ALG9: variants seen among roughly 807,000 people sequenced by gnomAD.
ALG9 encodes alpha-1,2-mannosyltransferase ALG9.
In ALG9, 55 loss-of-function variants were observed where a neutral mutation model predicts 81.8. That is an observed-to-expected ratio of 0.67 (90% confidence interval 0.54 to 0.84). The LOEUF is 0.84. Ranked by LOEUF, ALG9 falls within the 40% of genes least tolerant of loss-of-function variation. The pLI is 0.00. For missense variants in ALG9, 629 were observed against 745.0 expected (o/e 0.84, Z 1.81); for synonymous variants, 278 against 274.3 (o/e 1.01, Z -0.13).
the ALG9 span, chr11:111,768,827 T>TTGTGTGTGTG: frequency 3.1e-5 from 3 of 97,360 alleles, no homozygotes; most frequent in African/African-American, 1.4e-4. Flanking sequence ...ACATCCAGCT[T>TTGTGTGTGTG]CGTGTGTGTG....
Position 111,836,291 on chromosome 11 carries a change from C to T in ALG9, c.1476G>A (p.Trp492Ter). 1 of 1,613,920 alleles carries T rather than the reference C, an allele frequency of 6.2e-7. No homozygotes were observed. The highest frequency in any genetic ancestry group is 1.3e-5 in the African/African-American group (1 of 74,986). The change falls in exon 13 of 15, where the codon TGG (tryptophan) becomes TGA (stop). Residue 492 changes from tryptophan to a stop codon, truncating the protein, a stop_gained. Transcript: ENST00000616540. LOFTEE classifies it high-confidence loss of function. ...ACTCTGATGGAATGAACTGAAGCTGCCAACTGTCAGAAACACAAGGAGAAT... is the reference window on the plus strand; with the variant it reads ...ACTCTGATGGAATGAACTGAAGCTGTCAACTGTCAGAAACACAAGGAGAAT... ...FPSSFLLPDN[W>*]QLQFIPSEFR... is the part of the protein sequence containing the mutation.
At chr11:111,777,999 G>A (rs1163749292), downstream of ALG9, among the ~76,000 whole-genome samples, 1 of 152,234 alleles carries the variant, frequency 6.6e-6, no homozygotes, top group Non-Finnish European at 1.5e-5. Context: ...ACCAGAAGCA[G>A]ACTAACAAAG....
intron 7 of ALG9, 57 bp downstream of exon 7, chr11:111,853,592 C>T: frequency 1.3e-6 from 2 of 1,583,196 alleles, no homozygotes; most frequent in Non-Finnish European, 1.7e-6. Context: ...CCTTTTTTCA[C>T]ATCAAAGTTG....
In ALG9 at chr11:111,860,575, G is replaced by A. The variant is rs199614437; in HGVS notation, c.537C>T (p.Leu179=). ...VSRMMLAFLV[L]STGMFCSSSA... is the part of the protein sequence containing the mutation. ...ATGATGAGCAAAACATGCCAGTGCT[G>A]AGAACCAAGAAGGCTAGCATCATTC... The change falls in exon 5 of 15, where the codon CTC becomes CTT. Residue 179 remains leucine, a synonymous_variant. Transcript: ENST00000616540. 1,047 of 1,613,986 alleles carry A rather than the reference G, an allele frequency of 6.5e-4. 2 individuals carry two copies. The highest frequency in any genetic ancestry group is 7.9e-4 in the Non-Finnish European group (937 of 1,180,008).
At chr11:111,849,061 T>C (rs11214016) in intron 8 of ALG9, among the ~76,000 whole-genome samples, 4,982 of 151,926 alleles carry the variant, frequency 0.033, 204 homozygotes, top group African/African-American at 0.092. Flanking sequence ...TTCTTTCTTT[T>C]TTTTTTTGAG....
intron 8 of ALG9, among the ~76,000 whole-genome samples, chr11:111,852,929 T>C (rs1958054675): frequency 7.2e-6 from 1 of 138,056 alleles, no homozygotes; most frequent in Non-Finnish European, 1.5e-5. Context: ...GCAACAAGAG[T>C]CTAACTCCAC....
At chr11:111,818,507 C>T (rs1284537119) in intron 13 of ALG9, among the ~76,000 whole-genome samples, 4 of 152,146 alleles carry the variant, frequency 2.6e-5, no homozygotes, top group African/African-American at 9.7e-5. Context: ...TTTTCTGTTC[C>T]TACTCGTGGA....
At chr11:111,864,831 G>A (rs181612195) in intron 4 of ALG9, among the ~76,000 whole-genome samples, 1 of 151,986 alleles carries the variant, frequency 6.6e-6, no homozygotes, top group African/African-American at 2.4e-5. Context: ...AGGCTGGAGT[G>A]CAATGGCACA....
rs1555118858 is a variant in ALG9, at chr11:111,837,593, C to T, written c.1347G>A (p.Leu449=). ...TAGCAATTCGGTAAAATTCTGGATACAAATCAAGGGGCCCGTGATATCCTG... is the reference window on the plus strand; with the variant it reads ...TAGCAATTCGGTAAAATTCTGGATATAAATCAAGGGGCCCGTGATATCCTG... ...LFRGYHGPLD[L]YPEFYRIATD... Residue 449 remains leucine, a synonymous_variant, in exon 12 of 15, where the codon TTG becomes TTA. Coordinates refer to ENST00000616540, the MANE Select transcript of ALG9 (RefSeq NM_024740.2). 6.2e-7 allele frequency: 1 copy of T among 1,613,910 alleles called. No homozygotes were observed. The highest frequency in any genetic ancestry group is 8.5e-7 in the Non-Finnish European group (1 of 1,179,966).
chr11:111,778,085 T>C (rs618421), downstream of ALG9: 107,644 of 152,102 alleles, frequency 0.71, 38,756 homozygotes, highest in African/African-American at 0.84. Flanking sequence ...AAAGCAGGCT[T>C]CCCCAGTGCG....
intron 1 of ALG9, chr11:111,871,129 C>G: frequency 4.8e-6 from 6 of 1,261,454 alleles, no homozygotes; most frequent in Non-Finnish European, 6.0e-6. Context: ...CAGATCCGCA[C>G]TCCAAGGCAG....
At chr11:111,803,503 G>GAAAAAAAA (rs57411573) in intron 14 of ALG9, among the ~76,000 whole-genome samples, 1 of 133,356 alleles carries the variant, frequency 7.5e-6, no homozygotes, top group African/African-American at 2.8e-5. Context: ...TCCATCTCAG[G>GAAAAAAAA]AAAAAAAAAA....
intron 13 of ALG9, among the ~76,000 whole-genome samples, chr11:111,827,693 C>A (rs1953596626): frequency 6.6e-6 from 1 of 151,424 alleles, no homozygotes; most frequent in Non-Finnish European, 1.5e-5. Flanking sequence ...ATGGTGAAAC[C>A]CTGTCTCTAC....
intron 8 of ALG9, among the ~76,000 whole-genome samples, chr11:111,850,957 C>T (rs621440): frequency 0.05 from 7,657 of 152,020 alleles, 640 homozygotes; most frequent in African/African-American, 0.17. Flanking sequence ...ATCTCAGGTT[C>T]ATTAAAGTAG....
intron 8 of ALG9, chr11:111,845,369 G>C (rs1459706269): frequency 2.0e-5 from 3 of 152,992 alleles, no homozygotes; most frequent in African/African-American, 7.2e-5. Context: ...GTTTTCATCT[G>C]CTTGTCCCAT....
At chr11:111,810,518 G>A (rs1222199277) in intron 13 of ALG9, among the ~76,000 whole-genome samples, 5 of 152,176 alleles carry the variant, frequency 3.3e-5, no homozygotes, top group Non-Finnish European at 5.9e-5. Context: ...CACTTTGGGA[G>A]GCCAAGGTGT....
intron 8 of ALG9, among the ~76,000 whole-genome samples, chr11:111,846,422 A>T (rs1430081400): frequency 2.0e-5 from 3 of 152,234 alleles, no homozygotes; most frequent in African/African-American, 7.2e-5. Context: ...TTTTCAGGAA[A>T]GCACTTTAGC....
In ALG9 at chr11:111,871,547, G is replaced by C; in HGVS notation, c.-65C>G. On this transcript the variant is annotated 5_prime_UTR_variant, in exon 1 of 15. Coordinates refer to ENST00000616540, the MANE Select transcript of ALG9 (RefSeq NM_024740.2). ...TCGGTGAGCGCGCAGACATAGCTTT[G>C]GCTGGCAAACGGTGTCCGCCGAGGG... The C allele has an allele frequency of 6.5e-7, 1 of 1,533,808 alleles. No individual in the cohort carries two copies. Among genetic ancestry groups the C allele is most frequent in the East Asian group, 2.5e-5 (1 of 40,794 alleles).
intron 8 of ALG9, among the ~76,000 whole-genome samples, chr11:111,849,161 G>A (rs1592270727): frequency 6.6e-6 from 1 of 151,368 alleles, no homozygotes; most frequent in African/African-American, 2.4e-5. Context: ...AGCAATTCTC[G>A]TGCCTCAGCC....
Sources: allele counts gnomAD v4.1 joint callset (sites outside exome capture counted in the v4.1 genomes callset), GRCh38; gene constraint gnomAD v4.1.1; transcripts MANE v1.5; gene names NCBI Gene and HGNC (gene_info 2026-07-23, HGNC 2026-07-21).